ILRUN: variants seen among roughly 807,000 people sequenced by gnomAD.
The protein encoded by ILRUN is protein ILRUN.
In ILRUN, 3 loss-of-function variants were observed where a neutral mutation model predicts 33.8. That is an observed-to-expected ratio of 0.09 (90% confidence interval 0.04 to 0.23). ILRUN has a LOEUF of 0.23. Among genes scored for constraint, ILRUN ranks in the 10% least tolerant of loss-of-function variants. The pLI is 1.00. For synonymous variants in ILRUN, 124 were observed against 138.9 expected (o/e 0.89, Z 0.75); for missense variants, 210 against 375.1 (o/e 0.56, Z 3.64).
Position 34,587,826 on chromosome 6 carries a change from ACACT to A in ILRUN, c.*2735_*2738del. 2.6e-6 allele frequency: 1 copy of A among 385,674 alleles called. No individual in the cohort carries two copies. The highest frequency in any genetic ancestry group is 3.7e-5 in the East Asian group (1 of 27,094). The allele number at this position is 385,674 out of a possible 1,614,324, so 23.9% of individuals were successfully genotyped here. A position where few individuals can be genotyped will look rare whatever the true frequency, so the allele number is the denominator to read the frequency against. On this transcript the variant is annotated 3_prime_UTR_variant, in exon 5 of 5. Coordinates refer to ENST00000374023, the MANE Select transcript of ILRUN (RefSeq NM_024294.4). ...CACACACACACACCTCACTCCATGCACACTGACAGATTCTTCCCAAGTCTGAACC... is the reference window on the plus strand; with the variant it reads ...CACACACACACACCTCACTCCATGCAGACAGATTCTTCCCAAGTCTGAACC...
chr6:34,688,272 G>A (rs1763569526), intron 1 of ILRUN, among the ~76,000 whole-genome samples: 1 of 151,952 alleles, frequency 6.6e-6, no homozygotes, highest in African/African-American at 2.4e-5. Context: ...GGGCATGGTG[G>A]CTCATGCCTA....
chr6:34,690,417 C>T (rs1341069111), intron 1 of ILRUN, among the ~76,000 whole-genome samples: 3 of 151,768 alleles, frequency 2.0e-5, no homozygotes, highest in Admixed American at 1.3e-4. Context: ...GCCAAGATTG[C>T]GCCACTGCAC....
At chr6:34,649,421 T>C (rs1309755102) in intron 2 of ILRUN, among the ~76,000 whole-genome samples, 1 of 152,206 alleles carries the variant, frequency 6.6e-6, no homozygotes, top group Non-Finnish European at 1.5e-5. Flanking sequence ...GATTTCTATC[T>C]AGAAGAAAAG....
chr6:34,662,479 T>C (rs958370698), intron 1 of ILRUN, among the ~76,000 whole-genome samples: 1 of 152,058 alleles, frequency 6.6e-6, no homozygotes, highest in Non-Finnish European at 1.5e-5. Flanking sequence ...AGTCAAATGG[T>C]GAAAGCAACC....
intron 1 of ILRUN, among the ~76,000 whole-genome samples, chr6:34,659,959 T>C (rs1053809925): frequency 6.6e-6 from 1 of 151,926 alleles, no homozygotes; most frequent in Admixed American, 6.6e-5. Context: ...TCTATATATT[T>C]ATATGAGGCC....
intron 4 of ILRUN, among the ~76,000 whole-genome samples, chr6:34,600,396 G>C (rs1241429487): frequency 6.6e-6 from 1 of 152,144 alleles, no homozygotes; most frequent in Non-Finnish European, 1.5e-5. Flanking sequence ...CTCCAGATAG[G>C]CTTTACAGAA....
intron 1 of ILRUN, among the ~76,000 whole-genome samples, chr6:34,663,265 A>G (rs1193195252): frequency 6.6e-6 from 1 of 152,098 alleles, no homozygotes; most frequent in Non-Finnish European, 1.5e-5. Flanking sequence ...CTACAAAAAA[A>G]TTGAAAAATT....
At chr6:34,650,095 G>A (rs1762630297) in intron 2 of ILRUN, among the ~76,000 whole-genome samples, 1 of 151,942 alleles carries the variant, frequency 6.6e-6, no homozygotes. Context: ...GAAACACTAG[G>A]GTTATCATAA....
chr6:34,594,047 C>T (rs995872124), intron 4 of ILRUN, among the ~76,000 whole-genome samples: 3 of 152,136 alleles, frequency 2.0e-5, no homozygotes, highest in Admixed American at 2.0e-4. Flanking sequence ...TGGTAGCCAA[C>T]GACAATCCCA....
intron 1 of ILRUN, among the ~76,000 whole-genome samples, chr6:34,660,913 G>A (rs980127945): frequency 6.6e-6 from 1 of 152,164 alleles, no homozygotes; most frequent in African/African-American, 2.4e-5. Context: ...AAATGTACTC[G>A]CAGATACTCT....
chr6:34,682,528 G>T (rs893947726), intron 1 of ILRUN, among the ~76,000 whole-genome samples: 1 of 151,852 alleles, frequency 6.6e-6, no homozygotes, highest in African/African-American at 2.4e-5. Context: ...AAAGTACAGG[G>T]ATTACAGGGG....
At position 34,646,006 on chromosome 6, in the gene ILRUN, A is replaced by C. The variant is rs1232834680; in HGVS notation, c.511+595T>G. 6.6e-6 allele frequency among the ~76,000 whole-genome samples: 1 copy of C among 152,258 alleles called. No homozygotes were observed. The highest frequency in any genetic ancestry group is 1.5e-5 in the Non-Finnish European group (1 of 68,042). ...AGTATGGTGCCAAATGATCATTAAAAGGTCAGCTGGTATGAAGACTGTAAT... is the reference window on the plus strand; with the variant it reads ...AGTATGGTGCCAAATGATCATTAAACGGTCAGCTGGTATGAAGACTGTAAT... On this transcript the variant is annotated intron_variant, in intron 3 of 4. Transcript: ENST00000374023. The surrounding 1 kb of genome is among the most constrained non-coding windows in gnomAD (Gnocchi z 4.9).
At chr6:34,678,853 A>G (rs1198222365) in intron 1 of ILRUN, among the ~76,000 whole-genome samples, 3 of 150,628 alleles carry the variant, frequency 2.0e-5, no homozygotes, top group Non-Finnish European at 4.4e-5. Context: ...AAAAAAAAAA[A>G]AAAAAAGAAA....
chr6:34,660,585 G>A (rs1176145099), intron 1 of ILRUN, among the ~76,000 whole-genome samples: 2 of 151,902 alleles, frequency 1.3e-5, no homozygotes, highest in Non-Finnish European at 2.9e-5. Flanking sequence ...TCCTCACCTG[G>A]GATACGCCAA....
At chr6:34,680,704 C>G (rs1362433778) in intron 1 of ILRUN, among the ~76,000 whole-genome samples, 1 of 152,068 alleles carries the variant, frequency 6.6e-6, no homozygotes, top group Non-Finnish European at 1.5e-5. Flanking sequence ...CTGCCTGCCT[C>G]GGCCTCCCAA....
chr6:34,614,443 A>AAAAAAAATATATATATATATAT (rs71000073), intron 3 of ILRUN, among the ~76,000 whole-genome samples: 4 of 133,598 alleles, frequency 3.0e-5, no homozygotes, highest in African/African-American at 1.2e-4. Flanking sequence ...AAAAAAAAAA[A>AAAAAAAATATATATATATATAT]ATATATATAT....
chr6:34,609,619 A>G (rs1761705463), intron 3 of ILRUN, among the ~76,000 whole-genome samples: 1 of 152,090 alleles, frequency 6.6e-6, no homozygotes, highest in Admixed American at 6.6e-5. Flanking sequence ...CCTATCTCCA[A>G]AAAAAAGGGA....
rs1174245644 is a variant in ILRUN, at chr6:34,683,473, C to CATATATATAT, written c.158+12972_158+12973insATATATATAT. Among the ~76,000 whole-genome samples, 252 of 97,788 alleles carry CATATATATAT rather than the reference C, an allele frequency of 2.6e-3. 5 individuals are homozygous for CATATATATAT. Among genetic ancestry groups the CATATATATAT allele is most frequent in the Middle Eastern group, 5.4e-3 (1 of 186 alleles). 64.2% of individuals were successfully genotyped at this position (97,788 alleles called of 152,430 possible). On this transcript the variant is annotated intron_variant, in intron 1 of 4. Coordinates refer to ENST00000374023, the MANE Select transcript of ILRUN (RefSeq NM_024294.4). ...ATATACATATATATACATATATATA[C>CATATATATAT]ACATATATATATACATATATATATA...
At chr6:34,620,522 A>G (rs767636930) in intron 3 of ILRUN, among the ~76,000 whole-genome samples, 46 of 152,188 alleles carry the variant, frequency 3.0e-4, no homozygotes, top group Non-Finnish European at 5.1e-4. Context: ...AAGATGTGTT[A>G]ACATTTAATA....
Sources: gnomAD v4.1 joint callset for allele counts (sites outside exome capture counted in the v4.1 genomes callset) on GRCh38, gnomAD v4.1.1 for gene constraint, Gnocchi (gnomAD v3.1) non-coding constraint, MANE v1.5 for transcripts, NCBI Gene and HGNC (gene_info 2026-07-23, HGNC 2026-07-21) for gene names.